The following PCSK6 variants were observed in gnomAD, a reference collection of about 807,000 sequenced individuals.
The protein encoded by PCSK6 is paired basic amino acid cleaving enzyme 4.
In PCSK6, 85 loss-of-function variants were observed where a neutral mutation model predicts 123.3. That is an observed-to-expected ratio of 0.69 (90% confidence interval 0.58 to 0.83). PCSK6 has a LOEUF of 0.83. PCSK6 is among the 40% of genes least tolerant of loss of function. PCSK6 has a pLI of 0.00. For synonymous variants in PCSK6, 508 were observed against 516.0 expected, an observed-to-expected ratio of 0.98 and a Z score of 0.21; for missense variants, 1,191 against 1,282.3, an observed-to-expected ratio of 0.93 and a Z score of 1.09.
chr15:101,418,336 C>T (rs62027160), intron 6 of PCSK6, among the ~76,000 whole-genome samples: 24,691 of 152,056 alleles, frequency 0.16, 2,220 homozygotes, highest in Non-Finnish European at 0.2. Flanking sequence ...ACTGGCCTGA[C>T]TCTGATAAAC....
intron 1 of PCSK6, among the ~76,000 whole-genome samples, chr15:101,455,471 G>T (rs143601797): frequency 7.9e-5 from 12 of 152,246 alleles, no homozygotes; most frequent in Non-Finnish European, 2.9e-5. Context: ...ACCTGACCGG[G>T]ACTGACAGTC....
intron 6 of PCSK6, among the ~76,000 whole-genome samples, chr15:101,401,644 T>C (rs2042591942): frequency 6.6e-6 from 1 of 152,122 alleles, no homozygotes; most frequent in Non-Finnish European, 1.5e-5. Context: ...TGAGCCTCAG[T>C]CTTCTGCACA....
rs141326869 is a variant in PCSK6 at position 101,454,948 on chromosome 15, AAATGAATG to A, written c.298-11296_298-11289del. Reference sequence around the variant, plus strand: ...CAACAGAGTGAGACTCCATCTCAAAAAATGAATGAATGAATGAATGAATGAATGAATGA... The same window carrying A: ...CAACAGAGTGAGACTCCATCTCAAAAAATGAATGAATGAATGAATGAATGA... On this transcript the variant is annotated intron_variant, in intron 1 of 21. Coordinates refer to ENST00000611716, the MANE Select transcript of PCSK6 (RefSeq NM_002570.5). Among the ~76,000 whole-genome samples the A allele has an allele frequency of 2.4e-4, 35 of 147,794 alleles. No homozygotes were observed. In the South Asian group the frequency reaches 2.6e-3, roughly 11 times the overall value.
chr15:101,415,610 A>ACAC (rs1436269512), intron 6 of PCSK6, among the ~76,000 whole-genome samples: 8 of 152,230 alleles, frequency 5.3e-5, no homozygotes, highest in African/African-American at 1.7e-4. Context: ...TAGAATAAAA[A>ACAC]TACTCTTCAA....
chr15:101,321,106 T>A (rs1007393058), intron 18 of PCSK6, among the ~76,000 whole-genome samples: 2 of 152,184 alleles, frequency 1.3e-5, no homozygotes, highest in Non-Finnish European at 2.9e-5. Context: ...GCTACCAGCC[T>A]GGGTTGAGGA....
intron 11 of PCSK6, among the ~76,000 whole-genome samples, chr15:101,375,814 C>A (rs1348079915): frequency 6.6e-6 from 1 of 152,144 alleles, no homozygotes; most frequent in African/African-American, 2.4e-5. Flanking sequence ...GTGGGTGAAT[C>A]ACTTGAGGTC....
intron 1 of PCSK6, among the ~76,000 whole-genome samples, chr15:101,489,086 G>A (rs1229408116): frequency 1.3e-5 from 2 of 149,156 alleles, no homozygotes; most frequent in Non-Finnish European, 3.0e-5. Flanking sequence ...TCCGAGCGCG[G>A]GGTTGGGCGG....
Position 101,489,512 on chromosome 15 carries a change from C to T in PCSK6, c.159G>A (p.Leu53=). 9.6e-7 allele frequency: 1 copy of T among 1,039,500 alleles called. No individual in the cohort carries two copies. The highest frequency in any genetic ancestry group is 1.2e-6 in the Non-Finnish European group (1 of 867,218). The allele number at this position is 1,039,500 out of a possible 1,614,324, so 64.4% of individuals were successfully genotyped here. ...AGCAGGCGGCAGGCAGCGCCAGCAG[C>T]AGCAGCCAGCGCCAGGGACGCGGCG... ...PLAPRPWRWL[L]LLALPAACSA... is the part of the protein sequence containing the mutation. The change falls in exon 1 of 22, where the codon CTG becomes CTA. Residue 53 remains leucine (L), a synonymous_variant. Transcript: ENST00000611716.
intron 11 of PCSK6, among the ~76,000 whole-genome samples, chr15:101,374,538 G>A (rs1345173689): frequency 6.6e-6 from 1 of 152,060 alleles, no homozygotes. Context: ...TCCTCACTGG[G>A]CCCATGAATG....
intron 7 of PCSK6, among the ~76,000 whole-genome samples, chr15:101,394,656 C>A (rs1177098247): frequency 6.6e-6 from 1 of 152,218 alleles, no homozygotes; most frequent in Non-Finnish European, 1.5e-5. Flanking sequence ...AACTTACACA[C>A]CAATTCTGCA....
Position 101,398,624 on chromosome 15 carries a change from A to T in PCSK6, c.824-48T>A, listed in dbSNP as rs200442728. The T allele has an allele frequency of 2.0e-4, 313 of 1,577,650 alleles. 1 individual carries two copies. In the East Asian group the frequency reaches 6.0e-3, roughly 30 times the overall value. ...GTGTCGGCGCCCAGGCTCCGGGCAC[A>T]CAGCGACGGGAACCCGGGCCCAGGA... On this transcript the variant is annotated intron_variant, in intron 6 of 21. Transcript: ENST00000611716. The surrounding 1 kb of genome is among the most constrained non-coding windows in gnomAD (Gnocchi z 4.6).
At chr15:101,464,533 C>A (rs2057411839) in intron 1 of PCSK6, among the ~76,000 whole-genome samples, 1 of 152,150 alleles carries the variant, frequency 6.6e-6, no homozygotes, top group African/African-American at 2.4e-5. Flanking sequence ...TTCTCCAGCC[C>A]CAGACGGTTT....
At chr15:101,454,666 C>T (rs1280815878) in intron 1 of PCSK6, among the ~76,000 whole-genome samples, 1 of 152,028 alleles carries the variant, frequency 6.6e-6, no homozygotes, top group Non-Finnish European at 1.5e-5. Flanking sequence ...TCAGGCCAGG[C>T]ACAGTGGCTT....
chr15:101,481,781 A>T (rs1158147925), intron 1 of PCSK6, among the ~76,000 whole-genome samples: 1 of 152,224 alleles, frequency 6.6e-6, no homozygotes, highest in East Asian at 1.9e-4. Context: ...GCAAAAGATG[A>T]TTAGTCCAGC....
At chr15:101,395,625 C>A (rs1022727555) in intron 7 of PCSK6, among the ~76,000 whole-genome samples, 1 of 152,210 alleles carries the variant, frequency 6.6e-6, no homozygotes, top group Non-Finnish European at 1.5e-5. Flanking sequence ...CTTCCAGTGG[C>A]TTCATGGAAG....
intron 1 of PCSK6, among the ~76,000 whole-genome samples, chr15:101,467,141 C>A (rs1371564488): frequency 6.6e-6 from 1 of 152,158 alleles, no homozygotes; most frequent in African/African-American, 2.4e-5. Flanking sequence ...CGGTTTCCCA[C>A]TCCTGTTAAC....
At chr15:101,306,658 G>A (rs1042269825) in intron 21 of PCSK6, among the ~76,000 whole-genome samples, 20 of 152,314 alleles carry the variant, frequency 1.3e-4, no homozygotes, top group African/African-American at 4.8e-4. Context: ...CTTAGCTTTG[G>A]TGCCCTTTTA....
In PCSK6 at chr15:101,307,326, C is replaced by T; in HGVS notation, c.2700-1G>A. 6.2e-7 allele frequency: 1 copy of T among 1,610,164 alleles called. No homozygotes were observed. On this transcript the variant is annotated splice_acceptor_variant, in intron 20 of 21. Transcript: ENST00000611716. LOFTEE classifies it high-confidence loss of function. ...ACAGCTCAAGCAGTTCTCGTCACAC[C>T]TGTGGGAAGATACCGTTCCTGCTGA...
At chr15:101,339,301 A>G (rs927042074) in intron 13 of PCSK6, among the ~76,000 whole-genome samples, 18 of 152,190 alleles carry the variant, frequency 1.2e-4, no homozygotes, top group African/African-American at 4.1e-4. Context: ...TGCAGGAAGA[A>G]ATTCCTTAAT....
Sources: allele counts gnomAD v4.1 joint callset (sites outside exome capture counted in the v4.1 genomes callset), GRCh38; gene constraint gnomAD v4.1.1; non-coding constraint Gnocchi (gnomAD v3.1); transcripts MANE v1.5; gene names NCBI Gene and HGNC (gene_info 2026-07-23, HGNC 2026-07-21).